TM2D1: variants seen among roughly 807,000 people sequenced by gnomAD.
TM2D1 encodes the protein TM2 domain containing 1.
In TM2D1, 15 loss-of-function variants were observed where a neutral mutation model predicts 28.4. The observed-to-expected ratio is 0.53, with a 90% CI of 0.35 to 0.81. The LOEUF is 0.81. TM2D1 is among the 40% of genes least tolerant of loss of function. The pLI, the probability that TM2D1 is intolerant of heterozygous loss-of-function variation, is 0.01. For missense variants in TM2D1, 236 were observed against 254.9 expected (o/e 0.93, Z 0.50); for synonymous variants, 93 against 96.2 (o/e 0.97, Z 0.20).
chr1:61,685,085 G>A (rs116513070), intron 5 of TM2D1, among the ~76,000 whole-genome samples: 1,536 of 152,282 alleles, frequency 0.01, 26 homozygotes, highest in African/African-American at 0.034. Context: ...AATTACAGGC[G>A]TGAGCCAATG....
At chr1:61,703,718 T>TTA (rs56267637) in intron 3 of TM2D1, among the ~76,000 whole-genome samples, 1,722 of 98,904 alleles carry the variant, frequency 0.017, 21 homozygotes, top group African/African-American at 0.031. Context: ...TAGCCAATCT[T>TTA]TATATATATA....
chr1:61,691,270 C>A (rs1570098081), intron 5 of TM2D1, among the ~76,000 whole-genome samples: 1 of 151,928 alleles, frequency 6.6e-6, no homozygotes, highest in South Asian at 2.1e-4. Flanking sequence ...CAAAGGCGGG[C>A]GGATCACCTG....
intron 2 of TM2D1, among the ~76,000 whole-genome samples, chr1:61,710,686 A>G (rs988681481): frequency 6.6e-6 from 1 of 151,938 alleles, no homozygotes; most frequent in African/African-American, 2.4e-5. Context: ...CTCTATGTTT[A>G]GCATCAAGAA....
intron 2 of TM2D1, among the ~76,000 whole-genome samples, chr1:61,716,638 A>G (rs1306656543): frequency 6.7e-6 from 1 of 149,430 alleles, no homozygotes; most frequent in Non-Finnish European, 1.5e-5. Flanking sequence ...ACTCTAGGAA[A>G]TCAGAGAAAT....
At chr1:61,700,192 G>A (rs2148047588) in intron 4 of TM2D1, 12 of 1,536,974 alleles carry the variant, frequency 7.8e-6, no homozygotes, top group Middle Eastern at 1.7e-4. Context: ...AAACAAAGAT[G>A]ATAACAACAA....
chr1:61,708,149 A>G (rs888943280), intron 3 of TM2D1, among the ~76,000 whole-genome samples: 2 of 152,122 alleles, frequency 1.3e-5, no homozygotes, highest in African/African-American at 4.8e-5. Context: ...CCTGGGCCCA[A>G]GTAATTCTCC....
chr1:61,694,351 C>T (rs1312670370), intron 5 of TM2D1: 2 of 162,846 alleles, frequency 1.2e-5, no homozygotes. Context: ...TGAAAAATAA[C>T]CACAATCCCT....
chr1:61,715,601 T>C lies in TM2D1; in HGVS notation c.239-6164A>G, dbSNP rs374316355. On this transcript the variant is annotated intron_variant, in intron 2 of 6. Coordinates refer to ENST00000606498, the MANE Select transcript of TM2D1 (RefSeq NM_032027.3). ...AGGCAGTGGTTGCAGTGAGCCGAGA[T>C]GGCACCACTGAACTAAAGCCTGGGT... 2.4e-4 allele frequency among the ~76,000 whole-genome samples: 27 copies of C among 114,472 alleles called. No homozygotes were observed. The South Asian group carries it at 5.5e-3, about 23-fold the overall frequency. 75.1% of individuals were successfully genotyped at this position (114,472 alleles called of 152,430 possible). A position where few individuals can be genotyped will look rare whatever the true frequency, so the allele number is the denominator to read the frequency against.
At chr1:61,694,843 T>TA in intron 4 of TM2D1, 73 bp from the exon 5 acceptor site, 1 of 842,276 alleles carries the variant, frequency 1.2e-6, no homozygotes, top group East Asian at 2.7e-5. Flanking sequence ...CATTTTCCAA[T>TA]AAACCATTAT....
At chr1:61,694,644 A>G (rs1278779372) in intron 5 of TM2D1, 53 bp downstream of exon 5, 1 of 1,245,162 alleles carries the variant, frequency 8.0e-7, no homozygotes, top group Non-Finnish European at 1.1e-6. Context: ...AGGAGATCAC[A>G]GAACTCAATT....
At position 61,723,697 on chromosome 1, in the gene TM2D1, T is replaced by C; in HGVS notation, c.238+16A>G. ...TTTTAAAATTATTTTTAAAGACATG[T>C]TTCTTGAAGTCTTACCATGAGCTGT... On this transcript the variant is annotated intron_variant, in intron 2 of 6. Coordinates refer to ENST00000606498, the MANE Select transcript of TM2D1 (RefSeq NM_032027.3). 1.4e-6 allele frequency: 2 copies of C among 1,403,900 alleles called. No homozygotes were observed. The highest frequency in any genetic ancestry group is 1.9e-6 in the Non-Finnish European group (2 of 1,035,648). The allele number at this position is 1,403,900 out of a possible 1,614,324, so 87.0% of individuals were successfully genotyped here.
intron 2 of TM2D1, among the ~76,000 whole-genome samples, chr1:61,712,382 T>C (rs1345836825): frequency 2.0e-5 from 3 of 152,226 alleles, no homozygotes; most frequent in East Asian, 3.9e-4. Context: ...AACATGAATT[T>C]AAATGGTTGG....
chr1:61,700,749 T>C (rs546902433), intron 4 of TM2D1, among the ~76,000 whole-genome samples, 185 bp downstream of exon 4: 1 of 152,292 alleles, frequency 6.6e-6, no homozygotes, highest in African/African-American at 2.4e-5. Flanking sequence ...GAAAAGTCAG[T>C]ATTTCTTACC....
At chr1:61,693,420 T>C (rs7517261) in intron 5 of TM2D1, among the ~76,000 whole-genome samples, 89,961 of 151,924 alleles carry the variant, frequency 0.59, 28,239 homozygotes, top group East Asian at 0.84. Flanking sequence ...ATTCTGGATA[T>C]CTTAACTCAA....
intron 2 of TM2D1, among the ~76,000 whole-genome samples, chr1:61,715,026 G>A (rs988182658): frequency 6.6e-6 from 1 of 152,174 alleles, no homozygotes; most frequent in Admixed American, 6.5e-5. Flanking sequence ...AGTGGAAAGA[G>A]GTACCATCGT....
intron 4 of TM2D1, chr1:61,698,523 A>C (rs1644379099): frequency 6.7e-6 from 1 of 150,302 alleles, no homozygotes; most frequent in African/African-American, 2.5e-5. Flanking sequence ...GCACCATTGC[A>C]CTCTATCCTG....
chr1:61,704,621 A>G (rs550071358), intron 3 of TM2D1, among the ~76,000 whole-genome samples: 1 of 151,402 alleles, frequency 6.6e-6, no homozygotes, highest in East Asian at 2.0e-4. Flanking sequence ...CAGTAGAGAC[A>G]GGGTTTCACC....
At chr1:61,691,942 T>A (rs866802634) in intron 5 of TM2D1, among the ~76,000 whole-genome samples, 9,030 of 114,418 alleles carry the variant, frequency 0.079, 749 homozygotes, top group South Asian at 0.28. Flanking sequence ...AATATATATA[T>A]ATATATATAT....
At chr1:61,684,012 T>A (rs1445464695) in intron 5 of TM2D1, among the ~76,000 whole-genome samples, 1 of 152,120 alleles carries the variant, frequency 6.6e-6, no homozygotes, top group Admixed American at 6.5e-5. Context: ...AACTACTATA[T>A]CCATGGGAAT....
Sources: gnomAD v4.1 joint callset for allele counts (sites outside exome capture counted in the v4.1 genomes callset) on GRCh38, gnomAD v4.1.1 for gene constraint, MANE v1.5 for transcripts, NCBI Gene and HGNC (gene_info 2026-07-23, HGNC 2026-07-21) for gene names.